GLT8D2: variants seen among roughly 807,000 people sequenced by gnomAD.
The protein encoded by GLT8D2 is glycosyltransferase 8 domain containing 2.
GLT8D2 carries 45 observed loss-of-function variants against 44.5 expected under a neutral mutation model. The ratio of observed to expected loss-of-function variants is 1.01; its 90% CI spans 0.80 to 1.30. The LOEUF (loss-of-function observed/expected upper bound fraction) is 1.30, where lower values mean the gene tolerates loss of function less well. Ranked by LOEUF, GLT8D2 falls within the 50% of genes most tolerant of loss-of-function variation. The pLI, the probability that GLT8D2 is intolerant of heterozygous loss-of-function variation, is 0.00. For synonymous variants in GLT8D2, 156 were observed against 157.2 expected (o/e 0.99, Z 0.06); for missense variants, 400 against 430.4 (o/e 0.93, Z 0.62).
intron 1 of GLT8D2, among the ~76,000 whole-genome samples, chr12:104,032,466 CAAAAAAAAAAA>C (rs547392677): frequency 8.4e-5 from 5 of 59,700 alleles, no homozygotes; most frequent in African/African-American, 2.7e-4. Flanking sequence ...TGTGCAATAG[CAAAAAAAAAAA>C]AAAAAAAAAA....
At chr12:104,044,977 C>T (rs1880929949) in intron 1 of GLT8D2, among the ~76,000 whole-genome samples, 1 of 152,252 alleles carries the variant, frequency 6.6e-6, no homozygotes, top group East Asian at 1.9e-4. Flanking sequence ...CATCATGACA[C>T]TTCTCCCCCT....
At chr12:104,007,255 T>TCTCTCTCTCTCTCTCC in intron 4 of GLT8D2, among the ~76,000 whole-genome samples, 1 of 148,382 alleles carries the variant, frequency 6.7e-6, no homozygotes. Context: ...TCTCTCTCTC[T>TCTCTCTCTCTCTCTCC]CTCTCTCTCT....
In GLT8D2 at chr12:103,989,165, A is replaced by G. The variant is rs1872394085; in HGVS notation, c.*243T>C. On this transcript the variant is annotated 3_prime_UTR_variant, in exon 11 of 11. Transcript: ENST00000360814. ...AAGCAGGTTGATTGCTGTTATCTAGATGGGTCTCTTCCTTTATGTTTTTCA... is the reference window on the plus strand; with the variant it reads ...AAGCAGGTTGATTGCTGTTATCTAGGTGGGTCTCTTCCTTTATGTTTTTCA... 3.0e-6 allele frequency: 1 copy of G among 330,454 alleles called. No individual in the cohort carries two copies. The allele number at this position is 330,454 out of a possible 1,614,324, so 20.5% of individuals were successfully genotyped here.
intron 9 of GLT8D2, 192 bp downstream of exon 9, chr12:103,994,143 T>C (rs1035517924): frequency 9.6e-6 from 4 of 418,726 alleles, no homozygotes; most frequent in Non-Finnish European, 1.7e-5. Flanking sequence ...AGGATCTTGA[T>C]TCCTCTGATT....
At chr12:103,997,305 C>A (rs1314992137) in intron 7 of GLT8D2, 146 bp downstream of exon 7, 6 of 665,382 alleles carry the variant, frequency 9.0e-6, no homozygotes, top group Admixed American at 2.4e-5. Flanking sequence ...CAAAATACTT[C>A]CACATTTACA....
chr12:104,030,826 G>C (rs998374292), intron 1 of GLT8D2: 1 of 1,594,340 alleles, frequency 6.3e-7, no homozygotes. Flanking sequence ...AGAGCGCATG[G>C]AACCTGGAGA....
intron 1 of GLT8D2, among the ~76,000 whole-genome samples, chr12:104,042,178 T>A (rs1236472148): frequency 6.6e-6 from 1 of 152,194 alleles, no homozygotes; most frequent in Non-Finnish European, 1.5e-5. Flanking sequence ...CCACATAATA[T>A]AGATCTGATG....
In GLT8D2 at chr12:104,003,310, G is replaced by A; in HGVS notation, c.113-4C>T. On this transcript the variant is annotated splice_polypyrimidine_tract_variant and splice_region_variant and intron_variant, in intron 4 of 10. Coordinates refer to ENST00000360814, the MANE Select transcript of GLT8D2 (RefSeq NM_001384711.1). ...TCAGGAGTCTCGGATTCATCATCTG[G>A]AAACATAAAAACTGGTGTCTTGGAA... The A allele has an allele frequency of 1.2e-6, 2 of 1,613,660 alleles. No homozygotes were observed. The highest frequency in any genetic ancestry group is 1.7e-6 in the Non-Finnish European group (2 of 1,179,764).
At chr12:104,015,979 A>G (rs1374563868) in intron 3 of GLT8D2, among the ~76,000 whole-genome samples, 1 of 152,208 alleles carries the variant, frequency 6.6e-6, no homozygotes, top group Non-Finnish European at 1.5e-5. Context: ...CAATAGAGCA[A>G]GACCTTCCTT....
At chr12:104,039,623 G>A (rs1318758684) in intron 1 of GLT8D2, among the ~76,000 whole-genome samples, 6 of 150,218 alleles carry the variant, frequency 4.0e-5, no homozygotes, top group South Asian at 2.1e-4. Flanking sequence ...TTAGAATGGC[G>A]ATCATTAAAA....
At chr12:104,040,553 G>A (rs1057351919) in intron 1 of GLT8D2, among the ~76,000 whole-genome samples, 2 of 151,740 alleles carry the variant, frequency 1.3e-5, no homozygotes, top group African/African-American at 4.8e-5. Context: ...AGCCTCCAAA[G>A]TAGCTGGGAT....
Position 103,989,269 on chromosome 12 carries a change from T to C in GLT8D2, c.*139A>G. The C allele has an allele frequency of 1.6e-6, 1 of 627,860 alleles. No individual in the cohort carries two copies. The allele number at this position is 627,860 out of a possible 1,614,324, so 38.9% of individuals were successfully genotyped here. On this transcript the variant is annotated 3_prime_UTR_variant, in exon 11 of 11. Transcript: ENST00000360814. ...ATGCCTATATGGTCCAAGGTATAAT[T>C]TGCACACAGTAGTTTTTGGTTTTTA... is the stretch of plus-strand genomic sequence containing the variant.
chr12:104,063,340 T>C (rs1189748153), intron 1 of GLT8D2, among the ~76,000 whole-genome samples: 1 of 152,092 alleles, frequency 6.6e-6, no homozygotes, highest in Non-Finnish European at 1.5e-5. Flanking sequence ...CTAATGGACT[T>C]GTGTGATTAT....
intron 1 of GLT8D2, among the ~76,000 whole-genome samples, chr12:104,049,020 T>C (rs924243329): frequency 3.3e-5 from 5 of 152,172 alleles, no homozygotes; most frequent in Admixed American, 1.3e-4. Context: ...ACAGTCTACT[T>C]CCAAGTGCAT....
intron 1 of GLT8D2, among the ~76,000 whole-genome samples, chr12:104,044,981 T>C (rs1445948057): frequency 6.6e-6 from 1 of 152,170 alleles, no homozygotes; most frequent in African/African-American, 2.4e-5. Context: ...ATGACACTTC[T>C]CCCCCTAAAT....
Position 104,012,506 on chromosome 12 carries a change from C to T in GLT8D2, c.112+2507G>A, listed in dbSNP as rs116136292. Reference sequence around the variant, plus strand: ...TAACAGCTGTTTTAAAACCTATCCACTTATTTTCCTGAAGAAGGGAGTCTG... The same window carrying T: ...TAACAGCTGTTTTAAAACCTATCCATTTATTTTCCTGAAGAAGGGAGTCTG... On this transcript the variant is annotated intron_variant, in intron 4 of 10. Coordinates refer to ENST00000360814, the MANE Select transcript of GLT8D2 (RefSeq NM_001384711.1). 5.2e-3 allele frequency: 1,487 copies of T among 286,872 alleles called. 15 individuals are homozygous for T. The highest frequency in any genetic ancestry group is 0.03 in the African/African-American group (1,389 of 45,926). 17.8% of individuals were successfully genotyped at this position (286,872 alleles called of 1,614,324 possible).
upstream of GLT8D2, among the ~76,000 whole-genome samples, chr12:104,054,691 C>A (rs1566216813): frequency 6.6e-6 from 1 of 152,012 alleles, no homozygotes; most frequent in African/African-American, 2.4e-5. Context: ...GGCACGTGAG[C>A]AGACATCTGC....
At chr12:104,000,251 A>C (rs1874019906) in intron 5 of GLT8D2, among the ~76,000 whole-genome samples, 1 of 152,216 alleles carries the variant, frequency 6.6e-6, no homozygotes, top group Non-Finnish European at 1.5e-5. Context: ...ATATCAATTA[A>C]AAAAAGATAG....
chr12:104,052,010 GA>G (rs112616382), upstream of GLT8D2, among the ~76,000 whole-genome samples: 26,854 of 151,972 alleles, frequency 0.18, 2,629 homozygotes, highest in Middle Eastern at 0.24. Context: ...TAAAAAAATA[GA>G]AAAAAACACT....
Sources: gnomAD v4.1 joint callset for allele counts (sites outside exome capture counted in the v4.1 genomes callset) on GRCh38, gnomAD v4.1.1 for gene constraint, MANE v1.5 for transcripts, NCBI Gene and HGNC (gene_info 2026-07-23, HGNC 2026-07-21) for gene names.